The following SLC9A1 variants were observed in gnomAD, a reference collection of about 807,000 sequenced individuals.
SLC9A1 encodes solute carrier family 9 member A1, also known as sodium/hydrogen exchanger 1.
A neutral mutation model predicts 67.9 loss-of-function variants in SLC9A1; 22 were observed. That is an observed-to-expected ratio of 0.32 (90% CI 0.23 to 0.46). SLC9A1 has a LOEUF of 0.46. Among genes scored for constraint, SLC9A1 ranks in the 20% least tolerant of loss-of-function variants. The probability of loss-of-function intolerance (pLI) is 1.00; values close to 1 mark genes in which losing one functional copy is unlikely to be tolerated. For missense variants in SLC9A1, 686 were observed against 1,094.8 expected, an observed-to-expected ratio of 0.63 and a Z score of 5.27; for synonymous variants, 421 against 471.8, an observed-to-expected ratio of 0.89 and a Z score of 1.40.
At position 27,106,818 on chromosome 1, in the gene SLC9A1, G is replaced by C. The variant is rs1376064265; in HGVS notation, c.1283-731C>G. 6.6e-6 allele frequency among the ~76,000 whole-genome samples: 1 copy of C among 152,010 alleles called. No homozygotes were observed. The highest frequency in any genetic ancestry group is 2.4e-5 in the African/African-American group (1 of 41,350). ...ACGTCACCTGTCTTGAGACAGTGCA[G>C]AGAGCACTCAGCTCAGAGTCACAGA... On this transcript the variant is annotated intron_variant, in intron 4 of 11. Coordinates refer to ENST00000263980, the MANE Select transcript of SLC9A1 (RefSeq NM_003047.5). The surrounding 1 kb of genome is among the most constrained non-coding windows in gnomAD (Gnocchi z 4.3).
intron 1 of SLC9A1, among the ~76,000 whole-genome samples, chr1:27,149,546 G>A (rs961695387): frequency 6.6e-6 from 1 of 152,198 alleles, no homozygotes; most frequent in African/African-American, 2.4e-5. Flanking sequence ...TAAACAATAA[G>A]GGAAAAGGGT....
Position 27,099,103 on chromosome 1 carries a change from G to A in SLC9A1, c.*1204C>T, listed in dbSNP as rs1449881557. 2 of 152,596 alleles carry A rather than the reference G, an allele frequency of 1.3e-5. No homozygotes were observed. The highest frequency in any genetic ancestry group is 4.8e-5 in the African/African-American group (2 of 41,460). 9.5% of individuals were successfully genotyped at this position (152,596 alleles called of 1,614,324 possible). On this transcript the variant is annotated 3_prime_UTR_variant, in exon 12 of 12. Transcript: ENST00000263980. ...TGGGCAAAGGTCTCTGGGGGCCCAG[G>A]ATTCTGCCCAATCCACCAGCCCCAG...
rs1233932355 is a variant in SLC9A1, at chr1:27,101,778, C to T, written c.1984G>A (p.Ala662Thr). 6.2e-7 allele frequency: 1 copy of T among 1,613,062 alleles called. No individual in the cohort carries two copies. The highest frequency in any genetic ancestry group is 8.5e-7 in the Non-Finnish European group (1 of 1,179,976). Reference sequence around the variant, plus strand: ...CTCCGGAGCAGCATCTGGTTCCAGGCTTCCTCGTAGGGGTCTGCCACCAGC... The same window carrying T: ...CTCCGGAGCAGCATCTGGTTCCAGGTTTCCTCGTAGGGGTCTGCCACCAGC... ...HTLVADPYEEAWNQMLLRRQK... is the reference protein window; with the variant it reads ...HTLVADPYEETWNQMLLRRQK... Residue 662 changes from alanine (A) to threonine (T), a missense_variant, in exon 10 of 12, where the codon GCC becomes ACC. Around this residue, in one of 7 missense-constraint regions of SLC9A1, gnomAD observed 226 missense variants for 282.4 expected, o/e 0.80. Transcript: ENST00000263980. This position sits in a 1 kb window ranked among gnomAD's most constrained non-coding sequence, Gnocchi z 4.9.
chr1:27,144,458 C>T (rs1171362067), intron 1 of SLC9A1, among the ~76,000 whole-genome samples: 1 of 152,232 alleles, frequency 6.6e-6, no homozygotes, highest in Admixed American at 6.5e-5. Context: ...ACCACTTAAA[C>T]ACTGGCTGGC....
chr1:27,153,935 G>C (rs762680665), intron 1 of SLC9A1, 48 bp downstream of exon 1: 6 of 1,294,118 alleles, frequency 4.6e-6, no homozygotes, highest in Non-Finnish European at 6.5e-6. Flanking sequence ...GAGGCAAGAA[G>C]CTCACCAGTC....
At chr1:27,149,999 T>C (rs1284186014) in intron 1 of SLC9A1, among the ~76,000 whole-genome samples, 1 of 152,198 alleles carries the variant, frequency 6.6e-6, no homozygotes, top group Non-Finnish European at 1.5e-5. Context: ...TCCCTCCCAC[T>C]GTTCTGCAGT....
intron 1 of SLC9A1, among the ~76,000 whole-genome samples, chr1:27,135,525 G>GAAAA (rs36107223): frequency 1.4e-4 from 15 of 110,012 alleles, no homozygotes; most frequent in African/African-American, 4.1e-4. Flanking sequence ...CTTTTTTCTG[G>GAAAA]AAAAAAAAAA....
chr1:27,121,606 C>T (rs991969544), intron 1 of SLC9A1, among the ~76,000 whole-genome samples: 5 of 152,134 alleles, frequency 3.3e-5, no homozygotes, highest in South Asian at 2.1e-4. Flanking sequence ...GAGGCTGTTC[C>T]GGAGGCAGGC....
chr1:27,121,335 C>A (rs1445486997), intron 1 of SLC9A1, among the ~76,000 whole-genome samples: 1 of 152,182 alleles, frequency 6.6e-6, no homozygotes, highest in Non-Finnish European at 1.5e-5. Context: ...AAAGAGAAGA[C>A]CGTGCAAGGA....
chr1:27,145,036 G>C (rs185898838), intron 1 of SLC9A1, among the ~76,000 whole-genome samples: 1 of 134,376 alleles, frequency 7.4e-6, no homozygotes, highest in Non-Finnish European at 1.5e-5. Context: ...CAACCCAGGC[G>C]AAGAGCAAGA....
rs1023940415 is a variant in SLC9A1 at position 27,106,192 on chromosome 1, C to T, written c.1283-105G>A. On this transcript the variant is annotated intron_variant, in intron 4 of 11. Transcript: ENST00000263980. The surrounding 1 kb of genome is among the most constrained non-coding windows in gnomAD (Gnocchi z 4.3). ...CTGTGCATCCAGGAAGTCTCCATTA[C>T]GAAGCCCACCCCGCTCACTCAATTC... The T allele has an allele frequency of 8.1e-6, 6 of 736,360 alleles. No individual in the cohort carries two copies. The highest frequency in any genetic ancestry group is 1.8e-5 in the African/African-American group (1 of 56,978). The allele number at this position is 736,360 out of a possible 1,614,324, so 45.6% of individuals were successfully genotyped here.
rs1007591421 is a variant in SLC9A1, at chr1:27,137,253, G to A, written c.352+16730C>T. Among the ~76,000 whole-genome samples, 1 of 152,242 alleles carries A rather than the reference G, an allele frequency of 6.6e-6. No homozygotes were observed. Among genetic ancestry groups the A allele is most frequent in the Admixed American group, 6.5e-5 (1 of 15,292 alleles). ...ACAGGCAGGAGGCCGCCTCACCTCT[G>A]CGGAGGGAACGATGTGGGAAGAAGG... is the stretch of plus-strand genomic sequence containing the variant. On this transcript the variant is annotated intron_variant, in intron 1 of 11. Transcript: ENST00000263980. This position sits in a 1 kb window ranked among gnomAD's most constrained non-coding sequence, Gnocchi z 4.6.
intron 4 of SLC9A1, 51 bp downstream of exon 4, chr1:27,107,597 C>A (rs771290706): frequency 2.9e-6 from 4 of 1,385,360 alleles, no homozygotes; most frequent in African/African-American, 1.4e-5. Flanking sequence ...CACCACCCCC[C>A]ACACACACCC....
At chr1:27,150,038 G>T (rs1486654111) in intron 1 of SLC9A1, among the ~76,000 whole-genome samples, 2 of 152,182 alleles carry the variant, frequency 1.3e-5, no homozygotes, top group Admixed American at 1.3e-4. Flanking sequence ...AAGAGAAAAA[G>T]GTCATCGCTT....
At chr1:27,135,057 A>C (rs987045012) in intron 1 of SLC9A1, among the ~76,000 whole-genome samples, 1 of 147,362 alleles carries the variant, frequency 6.8e-6, no homozygotes, top group Non-Finnish European at 1.5e-5. Context: ...TTTTATGCCA[A>C]ATTTTTTTTT....
intron 1 of SLC9A1, among the ~76,000 whole-genome samples, chr1:27,138,339 GCTGGC>G (rs2083432665): frequency 1.3e-5 from 2 of 152,208 alleles, no homozygotes; most frequent in South Asian, 4.1e-4. Flanking sequence ...GAGAACCCTT[GCTGGC>G]CATCCAGCAG....
intron 1 of SLC9A1, among the ~76,000 whole-genome samples, chr1:27,123,298 G>A (rs916112732): frequency 4.6e-5 from 7 of 151,836 alleles, no homozygotes; most frequent in East Asian, 3.9e-4. Context: ...CCCCACAACC[G>A]AATTTCTGTT....
At chr1:27,103,557 A>T in intron 5 of SLC9A1, 1 of 543,214 alleles carries the variant, frequency 1.8e-6, no homozygotes, top group Non-Finnish European at 3.3e-6. Flanking sequence ...CACACTGGTC[A>T]TCTGGCCTGG....
intron 1 of SLC9A1, among the ~76,000 whole-genome samples, chr1:27,153,026 G>T (rs1476967694): frequency 6.6e-6 from 1 of 152,164 alleles, no homozygotes; most frequent in East Asian, 1.9e-4. Context: ...GCTCCAGTAA[G>T]CTCCCCCAAT....
Sources: gnomAD v4.1 joint callset for allele counts (sites outside exome capture counted in the v4.1 genomes callset) on GRCh38, gnomAD v4.1.1 for gene constraint, gnomAD v4.1.1 regional missense constraint, Gnocchi (gnomAD v3.1) non-coding constraint, MANE v1.5 for transcripts, NCBI Gene and HGNC (gene_info 2026-07-23, HGNC 2026-07-21) for gene names.